EDA2R: variants seen among roughly 807,000 people sequenced by gnomAD.
EDA2R encodes the protein tumor necrosis factor receptor superfamily member 27.
A neutral mutation model predicts 20.1 loss-of-function variants in EDA2R; 26 were observed. That is an observed-to-expected ratio of 1.30 (90% CI 0.95 to 1.80). The LOEUF is 1.80. EDA2R is among the 40% of genes most tolerant of loss of function. EDA2R has a pLI of 0.00. For synonymous variants in EDA2R, 114 were observed against 88.7 expected, an observed-to-expected ratio of 1.29 and a Z score of -1.60; for missense variants, 277 against 228.7, an observed-to-expected ratio of 1.21 and a Z score of -1.36.
chrX:66,605,539 C>T (rs1420324817), intron 2 of EDA2R, among the ~76,000 whole-genome samples: 1 of 112,004 alleles, frequency 8.9e-6, no homozygotes, highest in African/African-American at 3.2e-5. Context: ...GTTTATTTCT[C>T]ACTCATCATA....
chrX:66,630,480 CA>C (rs1419620226), intron 1 of EDA2R, among the ~76,000 whole-genome samples: 1 of 110,705 alleles, frequency 9.0e-6, no homozygotes, highest in Non-Finnish European at 1.9e-5. Context: ...ACAATGAACT[CA>C]AAAAAATCAG....
At chrX:66,618,043 T>C (rs952814520) in intron 1 of EDA2R, among the ~76,000 whole-genome samples, 4 of 110,727 alleles carry the variant, frequency 3.6e-5, no homozygotes, top group Admixed American at 1.9e-4. Flanking sequence ...CATGCCACCA[T>C]GCCCAGCAAA....
At chrX:66,622,825 G>T (rs1177513339) in intron 1 of EDA2R, among the ~76,000 whole-genome samples, 1 of 112,077 alleles carries the variant, frequency 8.9e-6, no homozygotes, top group Non-Finnish European at 1.9e-5. Context: ...GGTTTATCTT[G>T]TTTATAACCT....
rs770457713 is a variant in EDA2R, at chrX:66,621,298, G to A, written c.-10-5268C>T. ...ACTGGAACCCTTGTGTATTGCTGGCGAGAATACAAAATGATGCAGCCCCTT... is the reference window on the plus strand; with the variant it reads ...ACTGGAACCCTTGTGTATTGCTGGCAAGAATACAAAATGATGCAGCCCCTT... On this transcript the variant is annotated intron_variant, in intron 1 of 6. Coordinates refer to ENST00000374719, the MANE Select transcript of EDA2R (RefSeq NM_021783.5). Among the ~76,000 whole-genome samples, 6 of 111,852 alleles carry A rather than the reference G, an allele frequency of 5.4e-5. No individual in the cohort carries two copies. The South Asian group carries it at 1.5e-3, about 28-fold the overall frequency.
intron 1 of EDA2R, among the ~76,000 whole-genome samples, chrX:66,622,953 T>C (rs1159788860): frequency 8.9e-6 from 1 of 112,302 alleles, no homozygotes; most frequent in Non-Finnish European, 1.9e-5. Flanking sequence ...ATCAGGAGAA[T>C]ATCCCTTCCC....
intron 1 of EDA2R, among the ~76,000 whole-genome samples, chrX:66,630,204 G>A (rs1933588511): frequency 9.0e-6 from 1 of 111,691 alleles, no homozygotes; most frequent in Non-Finnish European, 1.9e-5. Context: ...GATAGATTAA[G>A]GACTTAAATC....
At chrX:66,613,974 C>T (rs1203805431) in intron 2 of EDA2R, among the ~76,000 whole-genome samples, 1 of 111,630 alleles carries the variant, frequency 9.0e-6, no homozygotes, top group Non-Finnish European at 1.9e-5. Context: ...GGCATGAAGA[C>T]TAGCCTCCAG....
At chrX:66,601,132 C>T (rs1196332961) in intron 5 of EDA2R, among the ~76,000 whole-genome samples, 2 of 112,084 alleles carry the variant, frequency 1.8e-5, no homozygotes, top group South Asian at 3.7e-4. Flanking sequence ...GAGGAAACTG[C>T]CTGCCCTCAT....
chrX:66,611,573 T>C (rs1246551719), intron 2 of EDA2R, among the ~76,000 whole-genome samples: 2 of 111,222 alleles, frequency 1.8e-5, no homozygotes, highest in Non-Finnish European at 3.8e-5. Flanking sequence ...GGCTTAGTAG[T>C]AGAGAAGAGA....
At position 66,612,538 on chromosome X, in the gene EDA2R, A is replaced by C. The variant is rs182343406; in HGVS notation, c.87+3396T>G. Among the ~76,000 whole-genome samples the C allele has an allele frequency of 3.5e-4, 39 of 111,314 alleles. 1 individual carries two copies. In the East Asian group the frequency reaches 0.01, roughly 29 times the overall value. ...AGAACCACCTCTAAAAAAATGATACAAAGAGACACACTCAAAAACACTACA... is the reference window on the plus strand; with the variant it reads ...AGAACCACCTCTAAAAAAATGATACCAAGAGACACACTCAAAAACACTACA... On this transcript the variant is annotated intron_variant, in intron 2 of 6. Coordinates refer to ENST00000374719, the MANE Select transcript of EDA2R (RefSeq NM_021783.5).
chrX:66,612,693 A>G (rs969783447), intron 2 of EDA2R, among the ~76,000 whole-genome samples: 2 of 111,974 alleles, frequency 1.8e-5, no homozygotes, highest in African/African-American at 6.5e-5. Flanking sequence ...TTTAAATCTT[A>G]AAATATCAAA....
At chrX:66,637,573 A>T (rs765331378) in intron 1 of EDA2R, among the ~76,000 whole-genome samples, 25 of 112,226 alleles carry the variant, frequency 2.2e-4, no homozygotes, top group Non-Finnish European at 1.1e-4. Flanking sequence ...GTACTCTAAA[A>T]TCCAGCTCAG....
At chrX:66,631,671 G>A (rs1374023647) in intron 1 of EDA2R, among the ~76,000 whole-genome samples, 2 of 111,314 alleles carry the variant, frequency 1.8e-5, no homozygotes, top group African/African-American at 6.5e-5. Context: ...CCAGGTCAAA[G>A]GTGGTTACAA....
At chrX:66,627,466 G>A (rs188233737) in intron 1 of EDA2R, among the ~76,000 whole-genome samples, 6 of 112,339 alleles carry the variant, frequency 5.3e-5, no homozygotes, top group East Asian at 2.8e-4. Context: ...CACCAAAAGT[G>A]AGCAGAGGTA....
chrX:66,599,771 G>A lies in EDA2R; in HGVS notation c.607C>T (p.Gln203Ter). 1 of 1,210,077 alleles carries A rather than the reference G, an allele frequency of 8.3e-7. No homozygotes were observed. The highest frequency in any genetic ancestry group is 1.1e-6 in the Non-Finnish European group (1 of 894,848). Residue 203 changes from glutamine to a stop codon, truncating the protein, a stop_gained, in exon 6 of 7, where the codon CAA becomes TAA. Coordinates refer to ENST00000374719, the MANE Select transcript of EDA2R (RefSeq NM_021783.5). LOFTEE classifies it high-confidence loss of function. ...PPSKETSAESQVSENIFQTQP... is the reference protein window; with the variant it reads ...PPSKETSAES ...GTCTGAAAGATGTTCTCACTCACTT[G>A]GGACTCAGCACTGGTCTCCTTGCTG...
At chrX:66,610,961 G>A (rs1930635872) in intron 2 of EDA2R, among the ~76,000 whole-genome samples, 1 of 111,092 alleles carries the variant, frequency 9.0e-6, no homozygotes, top group South Asian at 3.8e-4. Flanking sequence ...CAGGTGGCTG[G>A]GGTATACTGG....
rs1929926218 is a variant in EDA2R, at chrX:66,607,609, G to C, written c.88-2383C>G. 5.4e-5 allele frequency among the ~76,000 whole-genome samples: 6 copies of C among 110,383 alleles called. No homozygotes were observed. The Admixed American group carries it at 5.8e-4, about 11-fold the overall frequency. On this transcript the variant is annotated intron_variant, in intron 2 of 6. Transcript: ENST00000374719. ...AGTTGGGGTGACAGAGCAATACCCAGTCCCAAACAAAATAATAATAATAAC... is the reference window on the plus strand; with the variant it reads ...AGTTGGGGTGACAGAGCAATACCCACTCCCAAACAAAATAATAATAATAAC...
chrX:66,599,747 T>C lies in EDA2R; in HGVS notation c.631A>G (p.Thr211Ala). The C allele has an allele frequency of 8.3e-7, 1 of 1,209,853 alleles. No homozygotes were observed. Among genetic ancestry groups the C allele is most frequent in the Non-Finnish European group, 1.1e-6 (1 of 894,827 alleles). Reference sequence around the variant, plus strand: ...TCGAGGATAGGGTTAAGTGGCTGGGTCTGAAAGATGTTCTCACTCACTTGG... The same window carrying C: ...TCGAGGATAGGGTTAAGTGGCTGGGCCTGAAAGATGTTCTCACTCACTTGG... ...ESQVSENIFQ[T>A]QPLNPILEDD... The change falls in exon 6 of 7, where the codon ACC becomes GCC. Residue 211 changes from threonine (T) to alanine (A), a missense_variant. By Grantham distance (58) the Thr-to-Ala change is moderately conservative (BLOSUM62 0). Coordinates refer to ENST00000374719, the MANE Select transcript of EDA2R (RefSeq NM_021783.5).
At chrX:66,629,898 A>C (rs916218459) in intron 1 of EDA2R, among the ~76,000 whole-genome samples, 1 of 111,773 alleles carries the variant, frequency 8.9e-6, no homozygotes, top group African/African-American at 3.3e-5. Context: ...GACTATGCAA[A>C]AAGAACAAAT....
Sources: allele counts gnomAD v4.1 joint callset (sites outside exome capture counted in the v4.1 genomes callset), GRCh38; gene constraint gnomAD v4.1.1; transcripts MANE v1.5; gene names NCBI Gene and HGNC (gene_info 2026-07-23, HGNC 2026-07-21).